SMPD3: variants seen among roughly 807,000 people sequenced by gnomAD.
The protein encoded by SMPD3 is nSMase-2.
A neutral mutation model predicts 55.7 loss-of-function variants in SMPD3; 21 were observed. That is an observed-to-expected ratio of 0.38 (90% CI 0.27 to 0.54). The LOEUF (loss-of-function observed/expected upper bound fraction) is 0.54. SMPD3 is among the 20% of genes least tolerant of loss of function. The probability of loss-of-function intolerance (pLI) is 0.80; values close to 1 mark genes in which losing one functional copy is unlikely to be tolerated. For missense variants in SMPD3, 842 were observed against 899.6 expected, an observed-to-expected ratio of 0.94 and a Z score of 0.82; for synonymous variants, 457 against 404.3, an observed-to-expected ratio of 1.13 and a Z score of -1.56.
chr16:68,397,748 C>T (rs1296865262), intron 1 of SMPD3, among the ~76,000 whole-genome samples: 1 of 152,184 alleles, frequency 6.6e-6, no homozygotes, highest in Non-Finnish European at 1.5e-5. Flanking sequence ...TCAGCTCCTC[C>T]TCATCTTCTG....
chr16:68,412,665 T>C (rs927732497), intron 1 of SMPD3, among the ~76,000 whole-genome samples: 1 of 151,868 alleles, frequency 6.6e-6, no homozygotes, highest in African/African-American at 2.4e-5. Flanking sequence ...GCTCTGCAAA[T>C]CTTGAATGTG....
chr16:68,361,365 G>T, intron 8 of SMPD3, 58 bp from the exon 9 acceptor site: 1 of 1,543,488 alleles, frequency 6.5e-7, no homozygotes, highest in South Asian at 1.2e-5. Context: ...GCATCTTGCA[G>T]GGAGCGGCCT....
At chr16:68,429,060 C>T (rs985677419) in intron 1 of SMPD3, among the ~76,000 whole-genome samples, 3 of 152,230 alleles carry the variant, frequency 2.0e-5, no homozygotes, top group Non-Finnish European at 2.9e-5. Flanking sequence ...ATAGACAGGG[C>T]AGACATGCGC....
intron 1 of SMPD3, among the ~76,000 whole-genome samples, chr16:68,437,298 T>C (rs1222176524): frequency 6.6e-6 from 1 of 152,208 alleles, no homozygotes; most frequent in African/African-American, 2.4e-5. Context: ...CAAACATCCG[T>C]GCCTTTATTG....
intron 3 of SMPD3, among the ~76,000 whole-genome samples, chr16:68,366,084 T>C (rs1012131945): frequency 6.6e-6 from 1 of 152,144 alleles, no homozygotes; most frequent in Non-Finnish European, 1.5e-5. Context: ...TTTCCCAAGA[T>C]GAGGAGACCC....
chr16:68,405,856 G>A (rs1474209426), intron 1 of SMPD3, among the ~76,000 whole-genome samples: 2 of 152,186 alleles, frequency 1.3e-5, no homozygotes, highest in African/African-American at 4.8e-5. Flanking sequence ...GCACCTCTCA[G>A]CTGAGCCTGA....
intron 1 of SMPD3, among the ~76,000 whole-genome samples, chr16:68,394,761 C>CT (rs1315821114): frequency 6.6e-6 from 1 of 152,114 alleles, no homozygotes; most frequent in African/African-American, 2.4e-5. Context: ...CAATATGAGA[C>CT]TTTTTTTGCT....
intron 1 of SMPD3, among the ~76,000 whole-genome samples, chr16:68,387,972 A>G (rs958626289): frequency 5.9e-5 from 9 of 152,296 alleles, no homozygotes; most frequent in Admixed American, 1.3e-4. Context: ...CTTGGGCTCT[A>G]ATGAGACCCG....
rs1246242031 is a variant in SMPD3 at position 68,368,252 on chromosome 16, G to A, written c.1323+2607C>T. ...ATGAGGTGGTGTGGCCACACCCAGT[G>A]TGGGACCAAGACAAGCAGGGGCCAG... is the stretch of plus-strand genomic sequence containing the variant. On this transcript the variant is annotated intron_variant, in intron 3 of 8. Transcript: ENST00000219334. 7.9e-5 allele frequency: 12 copies of A among 152,242 alleles called. No individual in the cohort carries two copies. In the East Asian group the frequency reaches 2.3e-3, roughly 29 times the overall value. The allele number at this position is 152,242 out of a possible 1,614,324, so 9.4% of individuals were successfully genotyped here.
At position 68,448,473 on chromosome 16, in the gene SMPD3, G is replaced by A. The variant is rs1597677311; in HGVS notation, c.-389C>T. The A allele has an allele frequency of 6.6e-6, 1 of 152,236 alleles. No individual in the cohort carries two copies. Among genetic ancestry groups the A allele is most frequent in the South Asian group, 2.1e-4 (1 of 4,834 alleles). The allele number at this position is 152,236 out of a possible 1,614,324, so 9.4% of individuals were successfully genotyped here. ...CGGCCGCAGCGGCGGCGGCTCTCGC[G>A]GCTCTCGGGTCCGGAGCCTCCCTCA... On this transcript the variant is annotated 5_prime_UTR_variant, in exon 1 of 9. Transcript: ENST00000219334.
intron 1 of SMPD3, among the ~76,000 whole-genome samples, chr16:68,408,729 C>T (rs1202231579): frequency 6.6e-6 from 1 of 152,212 alleles, no homozygotes; most frequent in Admixed American, 6.5e-5. Context: ...ACATAAATAA[C>T]TCAACCATGG....
At chr16:68,361,528 G>C in intron 8 of SMPD3, 75 bp downstream of exon 8, 2 of 1,567,882 alleles carry the variant, frequency 1.3e-6, no homozygotes, top group Non-Finnish European at 1.7e-6. Flanking sequence ...TTCAGGGAGC[G>C]GCTGTCGAGA....
intron 1 of SMPD3, among the ~76,000 whole-genome samples, chr16:68,446,365 C>T (rs890920476): frequency 6.6e-6 from 1 of 152,134 alleles, no homozygotes; most frequent in Non-Finnish European, 1.5e-5. Flanking sequence ...TACCTTCACC[C>T]TGAGGGCATC....
At chr16:68,433,783 C>A (rs1043698698) in intron 1 of SMPD3, among the ~76,000 whole-genome samples, 2 of 152,146 alleles carry the variant, frequency 1.3e-5, no homozygotes, top group African/African-American at 4.8e-5. Flanking sequence ...TTAATTTTTA[C>A]CCAAACCCCA....
chr16:68,411,858 G>A (rs959606968), intron 1 of SMPD3, among the ~76,000 whole-genome samples: 15 of 152,208 alleles, frequency 9.9e-5, no homozygotes, highest in African/African-American at 3.6e-4. Flanking sequence ...CTGGGAGGAA[G>A]CTCAGAATTG....
intron 1 of SMPD3, among the ~76,000 whole-genome samples, chr16:68,446,021 C>T (rs1319430743): frequency 6.6e-6 from 1 of 152,188 alleles, no homozygotes; most frequent in Non-Finnish European, 1.5e-5. Context: ...AACGTCAGCG[C>T]CATGCCCTTC....
chr16:68,420,543 T>C (rs1044387199), intron 1 of SMPD3, among the ~76,000 whole-genome samples: 1 of 152,218 alleles, frequency 6.6e-6, no homozygotes, highest in African/African-American at 2.4e-5. Context: ...AGGGGCGTTT[T>C]ATTGCCTCAA....
At chr16:68,435,923 G>A (rs2090519881) in intron 1 of SMPD3, among the ~76,000 whole-genome samples, 1 of 152,162 alleles carries the variant, frequency 6.6e-6, no homozygotes, top group Admixed American at 6.5e-5. Flanking sequence ...ACCAAAGTCT[G>A]CACCCCACAA....
intron 1 of SMPD3, among the ~76,000 whole-genome samples, chr16:68,433,653 A>G (rs549796509): frequency 5.9e-5 from 9 of 152,320 alleles, no homozygotes; most frequent in Admixed American, 3.3e-4. Context: ...CTGAGTTAGG[A>G]GAATGCAGTG....
Sources: allele counts gnomAD v4.1 joint callset (sites outside exome capture counted in the v4.1 genomes callset), GRCh38; gene constraint gnomAD v4.1.1; transcripts MANE v1.5; gene names NCBI Gene and HGNC (gene_info 2026-07-23, HGNC 2026-07-21).